The following PTPN9 variants were observed in gnomAD, a reference collection of about 807,000 sequenced individuals.
PTPN9 encodes the protein tyrosine-protein phosphatase non-receptor type 9.
PTPN9 carries 26 observed loss-of-function variants against 69.8 expected under a neutral mutation model. That is an observed-to-expected ratio of 0.37 (90% CI 0.27 to 0.52). The LOEUF is 0.52. PTPN9 is among the 20% of genes least tolerant of loss of function. PTPN9 has a pLI of 0.91. For missense variants in PTPN9, 549 were observed against 740.3 expected, an observed-to-expected ratio of 0.74 and a Z score of 3.00; for synonymous variants, 274 against 272.5, an observed-to-expected ratio of 1.01 and a Z score of -0.05.
intron 8 of PTPN9, chr15:75,480,652 G>A (rs1200445285): frequency 4.4e-5 from 54 of 1,236,820 alleles, no homozygotes; most frequent in Non-Finnish European, 5.3e-5. Context: ...GCGGGCCCCA[G>A]CTGCAGATAT....
At chr15:75,519,965 C>A (rs1239394171) in intron 4 of PTPN9, among the ~76,000 whole-genome samples, 3 of 151,986 alleles carry the variant, frequency 2.0e-5, no homozygotes, top group African/African-American at 7.2e-5. Context: ...TCCGCCTCTA[C>A]AAAAAAATTT....
chr15:75,500,614 T>C (rs2074767824), intron 7 of PTPN9, among the ~76,000 whole-genome samples: 1 of 152,096 alleles, frequency 6.6e-6, no homozygotes, highest in Non-Finnish European at 1.5e-5. Flanking sequence ...AGTCTGGTAG[T>C]TGGGTATAGG....
chr15:75,502,258 A>C (rs6495178), intron 7 of PTPN9, among the ~76,000 whole-genome samples: 91,268 of 151,826 alleles, frequency 0.6, 28,708 homozygotes, highest in African/African-American at 0.8. Context: ...ATCAACCTGG[A>C]CAACATCGTG....
Position 75,473,679 on chromosome 15 carries a change from A to T in PTPN9, c.1208+10T>A. On this transcript the variant is annotated intron_variant, in intron 10 of 12. Coordinates refer to ENST00000618819, the MANE Select transcript of PTPN9 (RefSeq NM_002833.4). ...AGGTGGAGACCTTTGGAAAAAAGGG[A>T]TTAACTCACCGGGTGGTCATGACAA... 64 of 1,543,680 alleles carry T rather than the reference A, an allele frequency of 4.1e-5. No individual in the cohort carries two copies. Among genetic ancestry groups the T allele is most frequent in the Non-Finnish European group, 5.7e-5 (64 of 1,116,036 alleles).
chr15:75,486,478 G>T (rs879047925), intron 8 of PTPN9, among the ~76,000 whole-genome samples: 1 of 152,150 alleles, frequency 6.6e-6, no homozygotes, highest in Admixed American at 6.6e-5. Context: ...CCCCAAATCT[G>T]CCAGCACGTT....
chr15:75,522,519 C>G (rs1173230662), intron 4 of PTPN9, among the ~76,000 whole-genome samples: 1 of 151,870 alleles, frequency 6.6e-6, no homozygotes, highest in Non-Finnish European at 1.5e-5. Flanking sequence ...CAACCTCCCC[C>G]ACCTCCCCCA....
At chr15:75,486,236 C>A (rs2074676700) in intron 8 of PTPN9, among the ~76,000 whole-genome samples, 1 of 152,134 alleles carries the variant, frequency 6.6e-6, no homozygotes, top group South Asian at 2.1e-4. Context: ...TTTGTGTCCC[C>A]CATAACTTCA....
At chr15:75,574,114 C>T (rs547837880) in intron 1 of PTPN9, among the ~76,000 whole-genome samples, 2 of 151,998 alleles carry the variant, frequency 1.3e-5, no homozygotes, top group African/African-American at 4.8e-5. Flanking sequence ...AGATATATAG[C>T]CTACATTCAA....
At chr15:75,518,408 G>A (rs909021172) in intron 4 of PTPN9, among the ~76,000 whole-genome samples, 1 of 148,546 alleles carries the variant, frequency 6.7e-6, no homozygotes, top group African/African-American at 2.5e-5. Flanking sequence ...CAGCTGGATC[G>A]CTTGAACCCA....
At chr15:75,481,350 C>T in intron 8 of PTPN9, among the ~76,000 whole-genome samples, 1 of 22,532 alleles carries the variant, frequency 4.4e-5, no homozygotes, top group Non-Finnish European at 8.7e-5. Context: ...GGGGGGGGGT[C>T]AGCCCCCGGC....
chr15:75,506,710 C>T (rs1460769856), intron 6 of PTPN9, among the ~76,000 whole-genome samples: 1 of 152,022 alleles, frequency 6.6e-6, no homozygotes, highest in Non-Finnish European at 1.5e-5. Flanking sequence ...TAATTCTGCT[C>T]TCTGCTTGGA....
At chr15:75,494,280 T>G (rs1400912060) in intron 7 of PTPN9, among the ~76,000 whole-genome samples, 1 of 151,912 alleles carries the variant, frequency 6.6e-6, no homozygotes, top group Non-Finnish European at 1.5e-5. Context: ...ACCTTCAGAT[T>G]AAAAGAATCT....
At chr15:75,558,284 C>T (rs1044654285) in intron 1 of PTPN9, among the ~76,000 whole-genome samples, 1 of 151,550 alleles carries the variant, frequency 6.6e-6, no homozygotes, top group Non-Finnish European at 1.5e-5. Flanking sequence ...GCCGAGATTG[C>T]GCCACTGCAC....
At chr15:75,504,242 C>T (rs1271526472) in intron 7 of PTPN9, among the ~76,000 whole-genome samples, 6 of 135,858 alleles carry the variant, frequency 4.4e-5, no homozygotes, top group African/African-American at 1.1e-4. Context: ...CCAGCCGCCC[C>T]GTCCGGGAGG....
At chr15:75,524,890 T>C (rs1427396974) in intron 2 of PTPN9, among the ~76,000 whole-genome samples, 2 of 151,606 alleles carry the variant, frequency 1.3e-5, no homozygotes, top group Non-Finnish European at 2.9e-5. Context: ...ATTTTCGGAA[T>C]TCCTGTCCAA....
Position 75,467,121 on chromosome 15 carries a change from G to A in PTPN9, c.*1648C>T, listed in dbSNP as rs2074539597. The stretch of plus-strand genomic sequence containing the variant: ...GCTGCTAAATTGATGAAGCTAAAAG[G>A]GTTTTGATCATGTCGGTATATTTAT... On this transcript the variant is annotated 3_prime_UTR_variant, in exon 13 of 13. Coordinates refer to ENST00000618819, the MANE Select transcript of PTPN9 (RefSeq NM_002833.4). The A allele has an allele frequency of 6.6e-6, 1 of 152,338 alleles. No individual in the cohort carries two copies. Among genetic ancestry groups the A allele is most frequent in the African/African-American group, 2.4e-5 (1 of 41,332 alleles). 9.4% of individuals were successfully genotyped at this position (152,338 alleles called of 1,614,324 possible).
At chr15:75,491,402 CA>C (rs11414287) in intron 7 of PTPN9, among the ~76,000 whole-genome samples, 1,598 of 132,140 alleles carry the variant, frequency 0.012, 32 homozygotes, top group East Asian at 0.11. Context: ...GACTTTATCT[CA>C]AAAAAAAAAA....
intron 1 of PTPN9, among the ~76,000 whole-genome samples, chr15:75,556,446 C>T (rs930886087): frequency 1.3e-5 from 2 of 151,870 alleles, no homozygotes; most frequent in Non-Finnish European, 1.5e-5. Flanking sequence ...GGCACAATCT[C>T]GGCTCACTGC....
intron 1 of PTPN9, among the ~76,000 whole-genome samples, chr15:75,573,093 G>C (rs539990505): frequency 6.6e-6 from 1 of 152,316 alleles, no homozygotes; most frequent in South Asian, 2.1e-4. Context: ...TTCATGGGAA[G>C]TAATGTAGTG....
Sources: allele counts gnomAD v4.1 joint callset (sites outside exome capture counted in the v4.1 genomes callset), GRCh38; gene constraint gnomAD v4.1.1; transcripts MANE v1.5; gene names NCBI Gene and HGNC (gene_info 2026-07-23, HGNC 2026-07-21).